Variants in PTPRD observed in about 807,000 individuals in gnomAD.
PTPRD encodes the protein receptor-type tyrosine-protein phosphatase delta.
In PTPRD, 34 loss-of-function variants were observed where a neutral mutation model predicts 214.5. The observed-to-expected ratio is 0.16, with a 90% confidence interval of 0.12 to 0.21. The LOEUF (loss-of-function observed/expected upper bound fraction) is 0.21. Among genes scored for constraint, PTPRD ranks in the 10% least tolerant of loss-of-function variants. PTPRD has a pLI of 1.00. For synonymous variants in PTPRD, 1,128 were observed against 845.7 expected (o/e 1.33, Z -5.79); for missense variants, 2,545 against 2,398.7 (o/e 1.06, Z -1.27).
At position 8,932,464 on chromosome 9, in the gene PTPRD, C is replaced by T. The variant is rs977752185; in HGVS notation, c.-104+86233G>A. Among the ~76,000 whole-genome samples the T allele has an allele frequency of 3.9e-5, 6 of 152,090 alleles. 1 individual carries two copies. The highest frequency in any genetic ancestry group is 6.5e-5 in the Admixed American group (1 of 15,270). On this transcript the variant is annotated intron_variant, in intron 11 of 45. Coordinates refer to ENST00000381196, the MANE Select transcript of PTPRD (RefSeq NM_002839.4). ...GTTGTTCAGTTTCCATGTAGTTGTG[C>T]GCCCACAGCTACCCTTTCCCCCAGG...
In PTPRD at chr9:9,330,974, TA is replaced by T. The variant is rs944417623; in HGVS notation, c.-203+66474del. 2.2e-4 allele frequency among the ~76,000 whole-genome samples: 34 copies of T among 151,476 alleles called. 1 individual carries two copies. The highest frequency in any genetic ancestry group is 8.2e-4 in the African/African-American group (34 of 41,232). On this transcript the variant is annotated intron_variant, in intron 9 of 45. Transcript: ENST00000381196. Reference sequence around the variant, plus strand: ...AGCTTTTCCTATACTAGGAGCTAAATAAATGTTAATGAACAGAGTAAATCTG... The same window carrying T: ...AGCTTTTCCTATACTAGGAGCTAAATAATGTTAATGAACAGAGTAAATCTG...
chr9:9,238,415 C>A (rs1228233868), intron 9 of PTPRD, among the ~76,000 whole-genome samples: 1 of 152,070 alleles, frequency 6.6e-6, no homozygotes, highest in Admixed American at 6.6e-5. Context: ...ACAGACTCCA[C>A]TTTTTGGAGT....
intron 6 of PTPRD, among the ~76,000 whole-genome samples, chr9:9,743,228 T>C (rs923291214): frequency 6.6e-6 from 1 of 152,154 alleles, no homozygotes; most frequent in Admixed American, 6.6e-5. Flanking sequence ...TAAAGTCACA[T>C]GCCAAATGCA....
intron 3 of PTPRD, among the ~76,000 whole-genome samples, chr9:10,071,357 C>G (rs2098011197): frequency 6.6e-6 from 1 of 152,028 alleles, no homozygotes; most frequent in African/African-American, 2.4e-5. Context: ...ATGACTCACT[C>G]TACTTGATTT....
At chr9:8,880,099 G>A (rs1260804989) in intron 11 of PTPRD, among the ~76,000 whole-genome samples, 1 of 152,042 alleles carries the variant, frequency 6.6e-6, no homozygotes, top group African/African-American at 2.4e-5. Flanking sequence ...AACAGCTCAG[G>A]GATTCCTGGG....
chr9:8,848,275 T>G (rs1174286455), intron 11 of PTPRD, among the ~76,000 whole-genome samples: 1 of 150,140 alleles, frequency 6.7e-6, no homozygotes, highest in Non-Finnish European at 1.5e-5. Context: ...TCAGAAACGG[T>G]AGAGAGGCAA....
At chr9:8,481,274 T>C (rs891638464) in intron 30 of PTPRD, among the ~76,000 whole-genome samples, 1 of 150,868 alleles carries the variant, frequency 6.6e-6, no homozygotes, top group African/African-American at 2.4e-5. Context: ...CTTTCAGAAA[T>C]TCTTTTCACT....
At chr9:9,792,067 T>TA (rs940130174) in intron 5 of PTPRD, among the ~76,000 whole-genome samples, 16 of 151,948 alleles carry the variant, frequency 1.1e-4, no homozygotes, top group South Asian at 2.1e-4. Context: ...CTCCAAGGAT[T>TA]AAAAAAAATG....
At chr9:8,843,192 T>C (rs867973060) in intron 11 of PTPRD, among the ~76,000 whole-genome samples, 7 of 152,342 alleles carry the variant, frequency 4.6e-5, no homozygotes, top group Middle Eastern at 6.8e-3. Flanking sequence ...CTGATAGTAC[T>C]ATATTTGTTC....
intron 12 of PTPRD, among the ~76,000 whole-genome samples, chr9:8,704,484 C>A (rs1408322130): frequency 6.6e-6 from 1 of 152,084 alleles, no homozygotes. Context: ...GAGTTTGAGT[C>A]CTAGCTCATT....
At chr9:9,251,167 G>A (rs540791431) in intron 9 of PTPRD, among the ~76,000 whole-genome samples, 1 of 151,968 alleles carries the variant, frequency 6.6e-6, no homozygotes, top group African/African-American at 2.4e-5. Context: ...ATCTAGTGCG[G>A]GCATTGCCAG....
intron 5 of PTPRD, among the ~76,000 whole-genome samples, chr9:9,926,509 T>A (rs1045191081): frequency 1.3e-5 from 2 of 151,838 alleles, no homozygotes; most frequent in African/African-American, 4.8e-5. Flanking sequence ...GATGAATGCA[T>A]ACAACAGAGA....
intron 3 of PTPRD, among the ~76,000 whole-genome samples, chr9:10,339,390 C>T (rs531454173): frequency 2.6e-5 from 4 of 151,796 alleles, no homozygotes; most frequent in African/African-American, 9.6e-5. Context: ...AAGTAAGCAT[C>T]CCTTACTTTT....
intron 35 of PTPRD, among the ~76,000 whole-genome samples, chr9:8,421,374 C>CTTCTCTTCTCTTCTCTTCTCTTCTCT (rs202043112): frequency 6.7e-6 from 1 of 149,616 alleles, no homozygotes; most frequent in Non-Finnish European, 1.5e-5. Context: ...CTTCTCTTCT[C>CTTCTCTTCTCTTCTCTTCTCTTCTCT]TCTCTCTCTC....
At chr9:9,672,201 A>G (rs768698973) in intron 7 of PTPRD, among the ~76,000 whole-genome samples, 1 of 152,228 alleles carries the variant, frequency 6.6e-6, no homozygotes, top group Admixed American at 6.5e-5. Flanking sequence ...ATGATTCCAT[A>G]TTAAAACCAC....
intron 10 of PTPRD, among the ~76,000 whole-genome samples, chr9:9,032,993 C>T (rs528291568): frequency 6.0e-4 from 91 of 152,168 alleles, no homozygotes; most frequent in African/African-American, 2.1e-3. Flanking sequence ...ATGTGGGCTA[C>T]ATTATCTTTC....
At chr9:9,949,285 C>T (rs144994170) in intron 4 of PTPRD, among the ~76,000 whole-genome samples, 1 of 152,224 alleles carries the variant, frequency 6.6e-6, no homozygotes, top group African/African-American at 2.4e-5. Context: ...GAGACCAAAG[C>T]AGTGCATCTT....
chr9:9,314,187 T>C (rs1569567290), intron 9 of PTPRD, among the ~76,000 whole-genome samples: 2 of 152,166 alleles, frequency 1.3e-5, no homozygotes, highest in South Asian at 2.1e-4. Context: ...ATGAGATTTA[T>C]TGTATACGCC....
intron 3 of PTPRD, among the ~76,000 whole-genome samples, chr9:10,132,375 A>G (rs2098899403): frequency 6.6e-6 from 1 of 152,218 alleles, no homozygotes; most frequent in African/African-American, 2.4e-5. Context: ...ACTATATATT[A>G]CTTGAGATTC....
Sources: allele counts gnomAD v4.1 joint callset (sites outside exome capture counted in the v4.1 genomes callset), GRCh38; gene constraint gnomAD v4.1.1; transcripts MANE v1.5; gene names NCBI Gene and HGNC (gene_info 2026-07-23, HGNC 2026-07-21).